The following ZNF487 variants were observed in gnomAD, a reference collection of about 807,000 sequenced individuals.
ZNF487 encodes the protein zinc finger protein 487.
In ZNF487, 4 loss-of-function variants were observed where a neutral mutation model predicts 3.0. The ratio of observed to expected loss-of-function variants is 1.35; its 90% confidence interval spans 0.66 to 3.08. The LOEUF is 3.08. Ranked by LOEUF, ZNF487 falls within the 30% of genes most tolerant of loss-of-function variation. The pLI, the probability that ZNF487 is intolerant of heterozygous loss-of-function variation, is 0.01. For synonymous variants in ZNF487, 55 were observed against 34.6 expected, an observed-to-expected ratio of 1.59 and a Z score of -2.06; for missense variants, 146 against 98.7, an observed-to-expected ratio of 1.48 and a Z score of -2.03.
chr10:43,461,563 C>T (rs554648486), intron 1 of ZNF487, among the ~76,000 whole-genome samples: 1 of 151,898 alleles, frequency 6.6e-6, no homozygotes, highest in Non-Finnish European at 1.5e-5. Context: ...TCAAGTGATC[C>T]TCCTGTCTTG....
the ZNF487 span, among the ~76,000 whole-genome samples, chr10:43,492,762 G>T: frequency 6.6e-6 from 1 of 152,090 alleles, no homozygotes; most frequent in South Asian, 2.1e-4. Flanking sequence ...TATTTTTGAG[G>T]CTTACAACAT....
intron 1 of ZNF487, among the ~76,000 whole-genome samples, chr10:43,470,301 C>T (rs1840859330): frequency 6.6e-6 from 1 of 152,112 alleles, no homozygotes; most frequent in South Asian, 2.1e-4. Flanking sequence ...TAGCCTTGAG[C>T]TCCCTGGGCT....
chr10:43,501,542 C>A, the ZNF487 span, among the ~76,000 whole-genome samples: 19 of 152,196 alleles, frequency 1.2e-4, no homozygotes, highest in Non-Finnish European at 1.9e-4. Context: ...GAATTCGAGG[C>A]CAGCCTGGTC....
chr10:43,464,265 C>A (rs1416165655), intron 1 of ZNF487, among the ~76,000 whole-genome samples: 1 of 151,364 alleles, frequency 6.6e-6, no homozygotes, highest in Admixed American at 6.6e-5. Flanking sequence ...CTCACTGAAA[C>A]CTCTGCCTCC....
chr10:43,510,843 G>C, the ZNF487 span, among the ~76,000 whole-genome samples: 1 of 152,204 alleles, frequency 6.6e-6, no homozygotes, highest in Non-Finnish European at 1.5e-5. Flanking sequence ...ACCGTGCCCG[G>C]CCCTGTAACT....
At chr10:43,515,802 G>A in the ZNF487 span, among the ~76,000 whole-genome samples, 1 of 151,968 alleles carries the variant, frequency 6.6e-6, no homozygotes, top group African/African-American at 2.4e-5. Flanking sequence ...TTTTGACGGA[G>A]TCTCGCTCGG....
downstream of ZNF487, among the ~76,000 whole-genome samples, chr10:43,486,183 T>C (rs1841468826): frequency 2.0e-5 from 3 of 152,152 alleles, no homozygotes; most frequent in South Asian, 6.2e-4. Flanking sequence ...TTATACTGGT[T>C]TAAAAAACCA....
chr10:43,475,765 G>A lies in ZNF487; in HGVS notation c.-49G>A, dbSNP rs768465836. 14 of 780,836 alleles carry A rather than the reference G, an allele frequency of 1.8e-5. No homozygotes were observed. The highest frequency in any genetic ancestry group is 3.1e-5 in the Non-Finnish European group (13 of 418,114). 48.4% of individuals were successfully genotyped at this position (780,836 alleles called of 1,614,324 possible). A position where few individuals can be genotyped will look rare whatever the true frequency, so the allele number is the denominator to read the frequency against. ...ATGTGGCTGTGGGCTTCACCCAGGA[G>A]GAGTGGCAGCATCTGGACTCTGCTC... On this transcript the variant is annotated 5_prime_UTR_variant, in exon 2 of 4. Coordinates refer to ENST00000437590, the MANE Select transcript of ZNF487 (RefSeq NM_001355444.3).
the ZNF487 span, among the ~76,000 whole-genome samples, chr10:43,489,365 A>T: frequency 6.6e-6 from 1 of 152,032 alleles, no homozygotes; most frequent in Non-Finnish European, 1.5e-5. Flanking sequence ...ATTTTTATTT[A>T]TTTTTTGAGA....
chr10:43,482,484 G>T lies in ZNF487; in HGVS notation c.*562G>T, dbSNP rs772296725. The T allele has an allele frequency of 1.7e-5, 8 of 472,270 alleles. No homozygotes were observed. The highest frequency in any genetic ancestry group is 2.6e-5 in the Non-Finnish European group (6 of 231,186). 29.3% of individuals were successfully genotyped at this position (472,270 alleles called of 1,614,324 possible). On this transcript the variant is annotated 3_prime_UTR_variant, in exon 4 of 4. Transcript: ENST00000437590. Reference sequence around the variant, plus strand: ...GCAGTACATCAAAGAACACACACGGGACAAAACCTATGAATGTAATGAATG... The same window carrying T: ...GCAGTACATCAAAGAACACACACGGTACAAAACCTATGAATGTAATGAATG...
the ZNF487 span, among the ~76,000 whole-genome samples, chr10:43,519,708 C>T: frequency 1.1e-4 from 17 of 152,248 alleles, no homozygotes; most frequent in South Asian, 6.2e-4. Context: ...CCTTGTGATC[C>T]GCCTATCTTG....
At chr10:43,509,741 A>G in the ZNF487 span, among the ~76,000 whole-genome samples, 2 of 152,038 alleles carry the variant, frequency 1.3e-5, no homozygotes, top group African/African-American at 4.8e-5. Context: ...GTGCCCACCC[A>G]GATTAAGGTG....
At chr10:43,500,469 C>T in the ZNF487 span, among the ~76,000 whole-genome samples, 1 of 152,070 alleles carries the variant, frequency 6.6e-6, no homozygotes, top group Non-Finnish European at 1.5e-5. Context: ...GGCTCCAATT[C>T]AAAGAATTTA....
chr10:43,498,131 T>C, the ZNF487 span, among the ~76,000 whole-genome samples: 1 of 34,308 alleles, frequency 2.9e-5, no homozygotes, highest in Non-Finnish European at 5.4e-5. Context: ...TTTTTTTTTT[T>C]TTTTTTTTTT....
chr10:43,451,338 T>G (rs940425417), intron 1 of ZNF487, among the ~76,000 whole-genome samples: 1 of 150,370 alleles, frequency 6.7e-6, no homozygotes, highest in Non-Finnish European at 1.5e-5. Context: ...CTCCACCTCC[T>G]GGATCCAAGT....
At chr10:43,455,012 T>A (rs1223341148) in intron 1 of ZNF487, among the ~76,000 whole-genome samples, 2 of 101,130 alleles carry the variant, frequency 2.0e-5, no homozygotes, top group East Asian at 3.4e-4. Flanking sequence ...TAGTTTGCAC[T>A]TTTTTTTTTT....
At chr10:43,519,600 T>A in the ZNF487 span, among the ~76,000 whole-genome samples, 3 of 152,038 alleles carry the variant, frequency 2.0e-5, no homozygotes, top group African/African-American at 7.2e-5. Flanking sequence ...CCCAAGCAGC[T>A]GGGACTACAG....
chr10:43,475,692 G>A (rs1227886187), intron 1 of ZNF487, 29 bp from the exon 2 acceptor site: 2 of 774,784 alleles, frequency 2.6e-6, no homozygotes, highest in Admixed American at 3.5e-5. Context: ...TCTGATCACT[G>A]TAGAATGAAA....
At chr10:43,479,937 T>G (rs1841248284) in intron 3 of ZNF487, among the ~76,000 whole-genome samples, 1 of 151,614 alleles carries the variant, frequency 6.6e-6, no homozygotes, top group African/African-American at 2.4e-5. Flanking sequence ...ATTACAGGTG[T>G]GAACCACTGC....
Sources: gnomAD v4.1 joint callset for allele counts (sites outside exome capture counted in the v4.1 genomes callset) on GRCh38, gnomAD v4.1.1 for gene constraint, MANE v1.5 for transcripts, NCBI Gene and HGNC (gene_info 2026-07-23, HGNC 2026-07-21) for gene names.